Variants in EPC2 observed in about 807,000 individuals in gnomAD.
The protein encoded by EPC2 is enhancer of polycomb homolog 2.
In EPC2, 14 loss-of-function variants were observed where a neutral mutation model predicts 92.1. The observed-to-expected ratio is 0.15, with a 90% confidence interval of 0.10 to 0.24. EPC2 has a LOEUF of 0.24. Ranked by LOEUF, EPC2 falls within the 10% of genes least tolerant of loss-of-function variation. The probability of loss-of-function intolerance (pLI) is 1.00; values close to 1 mark genes in which losing one functional copy is unlikely to be tolerated. For missense variants in EPC2, 755 were observed against 971.5 expected (o/e 0.78, Z 2.96); for synonymous variants, 340 against 334.7 (o/e 1.02, Z -0.17).
intron 1 of EPC2, among the ~76,000 whole-genome samples, chr2:148,654,262 T>G (rs1035734585): frequency 5.9e-5 from 9 of 152,202 alleles, no homozygotes; most frequent in African/African-American, 2.2e-4. Context: ...TACATTTTTT[T>G]GTAAAAACTT....
chr2:148,740,502 T>C (rs989189171), intron 2 of EPC2, among the ~76,000 whole-genome samples: 4 of 152,300 alleles, frequency 2.6e-5, no homozygotes, highest in Admixed American at 6.5e-5. Flanking sequence ...ATTTAACACA[T>C]TGTCAGATCT....
chr2:148,689,920 A>C (rs1428979590), intron 1 of EPC2, among the ~76,000 whole-genome samples: 1 of 152,204 alleles, frequency 6.6e-6, no homozygotes, highest in Non-Finnish European at 1.5e-5. Context: ...TTAATCTAGC[A>C]AACAGATTAA....
At chr2:148,675,075 A>G (rs1238313013) in intron 1 of EPC2, among the ~76,000 whole-genome samples, 1 of 151,948 alleles carries the variant, frequency 6.6e-6, no homozygotes, top group African/African-American at 2.4e-5. Flanking sequence ...TGTCTTACTC[A>G]TTTTATTTCT....
At chr2:148,752,788 C>A (rs1486754669) in intron 3 of EPC2, among the ~76,000 whole-genome samples, 2 of 152,104 alleles carry the variant, frequency 1.3e-5, no homozygotes, top group African/African-American at 4.8e-5. Context: ...TGAAGTTATA[C>A]CAACACAAGA....
chr2:148,678,722 C>G (rs557679434), intron 1 of EPC2, among the ~76,000 whole-genome samples: 3 of 152,390 alleles, frequency 2.0e-5, no homozygotes, highest in Admixed American at 2.0e-4. Flanking sequence ...GGAACTCCAG[C>G]TGGCCCGCAA....
chr2:148,711,353 T>G (rs1682140224), intron 2 of EPC2, among the ~76,000 whole-genome samples: 1 of 152,154 alleles, frequency 6.6e-6, no homozygotes, highest in South Asian at 2.1e-4. Flanking sequence ...AAATAACACA[T>G]ATTTAAAATA....
At chr2:148,689,211 T>C (rs900875595) in intron 1 of EPC2, among the ~76,000 whole-genome samples, 2 of 151,876 alleles carry the variant, frequency 1.3e-5, no homozygotes, top group Admixed American at 6.6e-5. Flanking sequence ...GGAGTCTCGC[T>C]GTGTCGCCCA....
At chr2:148,743,270 C>T (rs776572221) in intron 2 of EPC2, among the ~76,000 whole-genome samples, 1 of 151,782 alleles carries the variant, frequency 6.6e-6, no homozygotes, top group African/African-American at 2.4e-5. Context: ...ATACTCTGTT[C>T]TTGAGCTTGT....
Position 148,730,222 on chromosome 2 carries a change from CTT to C in EPC2, c.314-13397_314-13396del, listed in dbSNP as rs1485430387. On this transcript the variant is annotated intron_variant, in intron 2 of 13. Coordinates refer to ENST00000258484, the MANE Select transcript of EPC2 (RefSeq NM_015630.4). ...AGTCCTAGGTATCAGCATTCAGGGT[CTT>C]TTAGTACATGTTTAAGCTAAAGTTG... is the stretch of plus-strand genomic sequence containing the variant. Among the ~76,000 whole-genome samples, 5 of 152,182 alleles carry C rather than the reference CTT, an allele frequency of 3.3e-5. No homozygotes were observed. The South Asian group carries it at 1.0e-3, about 32-fold the overall frequency.
At chr2:148,690,470 C>A in intron 2 of EPC2, 97 bp downstream of exon 2, 1 of 1,099,098 alleles carries the variant, frequency 9.1e-7, no homozygotes, top group South Asian at 1.8e-5. Flanking sequence ...TTTTTTAATT[C>A]ATACACACTG....
At chr2:148,729,591 T>TA (rs1199216651) in intron 2 of EPC2, among the ~76,000 whole-genome samples, 1 of 152,206 alleles carries the variant, frequency 6.6e-6, no homozygotes, top group African/African-American at 2.4e-5. Context: ...TTTTACCTTC[T>TA]AAACTATTAC....
At chr2:148,774,556 A>C (rs1437628758) in intron 10 of EPC2, among the ~76,000 whole-genome samples, 1 of 150,754 alleles carries the variant, frequency 6.6e-6, no homozygotes, top group Non-Finnish European at 1.5e-5. Flanking sequence ...TAGAGGCTGC[A>C]GTAAGCCAAG....
intron 5 of EPC2, 111 bp downstream of exon 5, chr2:148,762,041 T>A: frequency 3.7e-6 from 3 of 813,540 alleles, no homozygotes; most frequent in Non-Finnish European, 5.5e-6. Flanking sequence ...CAGTTGATAT[T>A]GATTCTGTAA....
intron 2 of EPC2, among the ~76,000 whole-genome samples, chr2:148,717,264 ATTTC>A (rs1682280668): frequency 8.3e-6 from 1 of 120,698 alleles, no homozygotes; most frequent in South Asian, 2.5e-4. Flanking sequence ...GATATTGACT[ATTTC>A]TTGTCTACTG....
At chr2:148,775,770 C>CTT (rs1266672761) in intron 10 of EPC2, among the ~76,000 whole-genome samples, 6 of 56,492 alleles carry the variant, frequency 1.1e-4, no homozygotes, top group Non-Finnish European at 1.5e-4. Context: ...TTACCAATTT[C>CTT]TTTTCTTTTT....
chr2:148,763,699 CG>C (rs1683348684), intron 6 of EPC2, among the ~76,000 whole-genome samples: 1 of 152,162 alleles, frequency 6.6e-6, no homozygotes, highest in Admixed American at 6.5e-5. Context: ...TAATCACAGG[CG>C]TCTAGCCCAC....
intron 2 of EPC2, among the ~76,000 whole-genome samples, chr2:148,694,541 T>C (rs1348401813): frequency 1.3e-5 from 2 of 152,252 alleles, no homozygotes; most frequent in East Asian, 3.8e-4. Flanking sequence ...ACATTTACTT[T>C]GGGTTCCTCA....
Position 148,761,786 on chromosome 2 carries a change from G to A in EPC2, c.671G>A (p.Arg224His). The change falls in exon 5 of 14, where the codon CGT becomes CAT. Residue 224 changes from arginine (R) to histidine (H), a missense_variant. This residue lies in a region of EPC2 where 509 missense variants were observed against 607.7 expected (regional missense o/e 0.84). Transcript: ENST00000258484. ...RTEKMQTRKN[R>H]KNDEASYEKM... is the part of the protein sequence containing the mutation. ...TAAAATTATTATTTTTAATAGAATC[G>A]TAAGAATGATGAAGCCTCTTATGAA... 2 of 1,496,948 alleles carry A rather than the reference G, an allele frequency of 1.3e-6. No individual in the cohort carries two copies. Among genetic ancestry groups the A allele is most frequent in the Non-Finnish European group, 1.8e-6 (2 of 1,124,448 alleles). 92.7% of individuals were successfully genotyped at this position (1,496,948 alleles called of 1,614,324 possible). A position where few individuals can be genotyped will look rare whatever the true frequency, so the allele number is the denominator to read the frequency against.
intron 2 of EPC2, among the ~76,000 whole-genome samples, chr2:148,742,365 A>G (rs1331760485): frequency 2.6e-5 from 4 of 152,202 alleles, no homozygotes; most frequent in Admixed American, 2.6e-4. Flanking sequence ...ATCAAGTTTT[A>G]GATCTTTGCT....
Sources: gnomAD v4.1 joint callset for allele counts (sites outside exome capture counted in the v4.1 genomes callset) on GRCh38, gnomAD v4.1.1 for gene constraint, gnomAD v4.1.1 regional missense constraint, MANE v1.5 for transcripts, NCBI Gene and HGNC (gene_info 2026-07-23, HGNC 2026-07-21) for gene names.